The following SLAMF9 variants were observed in gnomAD, a reference collection of about 807,000 sequenced individuals.
SLAMF9 encodes the protein CD2 family member 10.
In SLAMF9, 25 loss-of-function variants were observed where a neutral mutation model predicts 30.4. The observed-to-expected ratio is 0.82, with a 90% confidence interval of 0.60 to 1.15. The LOEUF (loss-of-function observed/expected upper bound fraction) is 1.15. Among genes scored for constraint, SLAMF9 ranks in the 50% most tolerant of loss-of-function variants. SLAMF9 has a pLI of 0.00. For synonymous variants in SLAMF9, 129 were observed against 127.2 expected (o/e 1.01, Z -0.09); for missense variants, 344 against 346.1 (o/e 0.99, Z 0.05).
At chr1:159,978,200 C>A in the SLAMF9 span, among the ~76,000 whole-genome samples, 2 of 152,038 alleles carry the variant, frequency 1.3e-5, no homozygotes, top group African/African-American at 2.4e-5. Context: ...AGGAACAAGA[C>A]AAAAGGGCCA....
At chr1:159,983,884 A>C in the SLAMF9 span, 1 of 152,276 alleles carries the variant, frequency 6.6e-6, no homozygotes, top group African/African-American at 2.4e-5. Flanking sequence ...CGTCACTCCC[A>C]GCAGAGTCCT....
chr1:159,981,103 T>C, the SLAMF9 span, among the ~76,000 whole-genome samples: 1 of 152,176 alleles, frequency 6.6e-6, no homozygotes, highest in Non-Finnish European at 1.5e-5. Context: ...TATCTCGGAA[T>C]GTGATTGTAT....
chr1:159,980,965 A>G, the SLAMF9 span, among the ~76,000 whole-genome samples: 3 of 152,232 alleles, frequency 2.0e-5, no homozygotes, highest in Non-Finnish European at 4.4e-5. Context: ...AGGAAGGAGA[A>G]GCCTGCATAC....
chr1:159,952,986 G>T (rs774103953), intron 2 of SLAMF9, among the ~76,000 whole-genome samples: 7 of 152,126 alleles, frequency 4.6e-5, no homozygotes, highest in South Asian at 2.1e-4. Flanking sequence ...GAAATAAAAG[G>T]CTCAAGAATG....
chr1:159,953,180 T>C lies in SLAMF9; in HGVS notation c.391+129A>G, dbSNP rs977759753. Reference sequence around the variant, plus strand: ...GGCACACTCAATCACAGTATCTAGATTGGAGACAGTCTGCCTCCAGTTCTA... The same window carrying C: ...GGCACACTCAATCACAGTATCTAGACTGGAGACAGTCTGCCTCCAGTTCTA... On this transcript the variant is annotated intron_variant, in intron 2 of 3. Coordinates refer to ENST00000368093, the MANE Select transcript of SLAMF9 (RefSeq NM_033438.4). The C allele has an allele frequency of 4.0e-5, 29 of 727,746 alleles. 1 individual carries two copies. Among genetic ancestry groups the C allele is most frequent in the East Asian group, 7.7e-5 (3 of 38,800 alleles). 45.1% of individuals were successfully genotyped at this position (727,746 alleles called of 1,614,324 possible).
intron 2 of SLAMF9, 37 bp from the exon 3 acceptor site, chr1:159,952,571 T>G (rs773574373): frequency 6.2e-7 from 1 of 1,603,780 alleles, no homozygotes; most frequent in Non-Finnish European, 8.5e-7. Context: ...CTCTAAACAA[T>G]CAGGGATCGG....
chr1:159,957,392 G>A (rs917068053), upstream of SLAMF9, among the ~76,000 whole-genome samples: 2 of 152,126 alleles, frequency 1.3e-5, no homozygotes, highest in African/African-American at 2.4e-5. Flanking sequence ...TTGGGAGGCC[G>A]AAGCGGGTGG....
chr1:159,969,231 C>A, the SLAMF9 span, among the ~76,000 whole-genome samples: 2 of 149,480 alleles, frequency 1.3e-5, no homozygotes, highest in East Asian at 4.0e-4. Context: ...CTAGGGATAG[C>A]CAATTTTGCT....
At chr1:159,973,740 G>C in the SLAMF9 span, 2 of 1,505,012 alleles carry the variant, frequency 1.3e-6, no homozygotes, top group East Asian at 2.3e-5. Context: ...CTGATCTCTA[G>C]AGACGGGACC....
At chr1:159,978,969 T>C in the SLAMF9 span, 1 of 152,202 alleles carries the variant, frequency 6.6e-6, no homozygotes, top group Non-Finnish European at 1.5e-5. Flanking sequence ...AAAATAAAGA[T>C]TGTTTTTGGT....
At chr1:159,966,933 GT>G in the SLAMF9 span, among the ~76,000 whole-genome samples, 1,655 of 151,804 alleles carry the variant, frequency 0.011, 13 homozygotes, top group South Asian at 0.032. Context: ...TGTTGTTTTT[GT>G]TTTTTTGTTT....
At chr1:159,973,035 A>G in the SLAMF9 span, 1 of 1,425,160 alleles carries the variant, frequency 7.0e-7, no homozygotes, top group Non-Finnish European at 9.2e-7. Context: ...CTGCTTCTGG[A>G]CCTGGCCACC....
At chr1:159,954,748 A>G (rs1208144837), upstream of SLAMF9, among the ~76,000 whole-genome samples, 1 of 152,204 alleles carries the variant, frequency 6.6e-6, no homozygotes, top group African/African-American at 2.4e-5. Context: ...CTGAGAGGCT[A>G]TTCGCAGGGG....
chr1:159,958,951 T>C (rs1651984773), upstream of SLAMF9, among the ~76,000 whole-genome samples: 2 of 152,240 alleles, frequency 1.3e-5, no homozygotes, highest in South Asian at 4.1e-4. Context: ...CTGTGCCATG[T>C]AATATTCAAA....
chr1:159,960,122 G>T, the SLAMF9 span, among the ~76,000 whole-genome samples: 13 of 150,650 alleles, frequency 8.6e-5, no homozygotes, highest in Non-Finnish European at 1.3e-4. Context: ...CCATTAACTC[G>T]TCATTTAGCA....
chr1:159,952,453 A>T lies in SLAMF9; in HGVS notation c.473T>A (p.Val158Glu). 3 of 1,614,110 alleles carry T rather than the reference A, an allele frequency of 1.9e-6. No individual in the cohort carries two copies. Among genetic ancestry groups the T allele is most frequent in the African/African-American group, 2.7e-5 (2 of 75,008 alleles). ...GGTCATATCCATGCCTGCCTTCTCC[A>T]CAGAGCACACCAGGGACATACTGCA... The part of the protein sequence containing the change: ...GACSMSLVCS[V>E]EKAGMDMTYS... The change falls in exon 3 of 4, where the codon GTG (valine) becomes GAG (glutamate). Residue 158 changes from valine to glutamate, a missense_variant. Transcript: ENST00000368093.
At chr1:159,953,258 A>G in intron 2 of SLAMF9, 51 bp downstream of exon 2, 1 of 1,468,064 alleles carries the variant, frequency 6.8e-7, no homozygotes, top group East Asian at 2.3e-5. Context: ...TGGTGTGAGA[A>G]GCTCAGAAGA....
At chr1:159,972,206 T>C in the SLAMF9 span, among the ~76,000 whole-genome samples, 1 of 152,184 alleles carries the variant, frequency 6.6e-6, no homozygotes, top group South Asian at 2.1e-4. Flanking sequence ...CCTCTAGCTC[T>C]GGCCCCCGCC....
the SLAMF9 span, among the ~76,000 whole-genome samples, chr1:159,977,449 T>A: frequency 4.6e-5 from 7 of 152,272 alleles, no homozygotes; most frequent in East Asian, 1.4e-3. Flanking sequence ...TTGGTTCTAG[T>A]CTCTTTTCTA....
Sources: allele counts gnomAD v4.1 joint callset (sites outside exome capture counted in the v4.1 genomes callset), GRCh38; gene constraint gnomAD v4.1.1; transcripts MANE v1.5; gene names NCBI Gene and HGNC (gene_info 2026-07-23, HGNC 2026-07-21).